Variants in ITGB3 observed in about 807,000 individuals in gnomAD.
The protein encoded by ITGB3 is integrin beta-3.
Under a neutral mutation model 85.8 loss-of-function variants are expected in ITGB3, and 48 were observed. That is an observed-to-expected ratio of 0.56 (90% CI 0.44 to 0.71). ITGB3 has a LOEUF of 0.71. ITGB3 is among the 30% of genes least tolerant of loss of function. The pLI is 0.00. For missense variants in ITGB3, 861 were observed against 1,019.1 expected (o/e 0.84, Z 2.11); for synonymous variants, 363 against 395.6 (o/e 0.92, Z 0.98).
intron 1 of ITGB3, among the ~76,000 whole-genome samples, chr17:47,270,434 C>A (rs539520290): frequency 6.6e-6 from 1 of 152,370 alleles, no homozygotes; most frequent in South Asian, 2.1e-4. Context: ...CTGTCCACAT[C>A]TGCCTGGGAA....
At chr17:47,273,860 A>G (rs182408527) in intron 1 of ITGB3, among the ~76,000 whole-genome samples, 1 of 152,344 alleles carries the variant, frequency 6.6e-6, no homozygotes, top group Admixed American at 6.5e-5. Flanking sequence ...TCCAAGATAT[A>G]TGCATTGAGA....
At chr17:47,259,149 G>A (rs2065000478) in intron 1 of ITGB3, among the ~76,000 whole-genome samples, 1 of 152,176 alleles carries the variant, frequency 6.6e-6, no homozygotes, top group African/African-American at 2.4e-5. Context: ...ATACTAGAGA[G>A]GATTCTGTAG....
rs867603396 is a variant in ITGB3 at position 47,292,012 on chromosome 17, T to C, written c.1261-127T>C. On this transcript the variant is annotated intron_variant, in intron 9 of 14. Transcript: ENST00000559488. ...TAGGGAAGGCTGAGGAACTCCAGAT[T>C]GCAAAAGCATAAGACACCCAATTTG... 3.5e-5 allele frequency: 32 copies of C among 905,754 alleles called. No individual in the cohort carries two copies. The Middle Eastern group carries it at 1.1e-3, about 31-fold the overall frequency. 56.1% of individuals were successfully genotyped at this position (905,754 alleles called of 1,614,324 possible).
intron 1 of ITGB3, among the ~76,000 whole-genome samples, chr17:47,265,426 C>T (rs762532779): frequency 6.6e-6 from 1 of 152,252 alleles, no homozygotes; most frequent in South Asian, 2.1e-4. Flanking sequence ...GGGTAGAATC[C>T]TTCCTCCTTC....
chr17:47,311,707 TTGTCCCAGA>T lies in ITGB3; in HGVS notation c.*1504_*1512del, dbSNP rs1314050303. 2 of 152,174 alleles carry T rather than the reference TTGTCCCAGA, an allele frequency of 1.3e-5. No individual in the cohort carries two copies. Among genetic ancestry groups the T allele is most frequent in the Non-Finnish European group, 2.9e-5 (2 of 68,022 alleles). 9.4% of individuals were successfully genotyped at this position (152,174 alleles called of 1,614,324 possible). On this transcript the variant is annotated 3_prime_UTR_variant, in exon 15 of 15. Coordinates refer to ENST00000559488, the MANE Select transcript of ITGB3 (RefSeq NM_000212.3). ...TTCCTGAGGAAGAGGGACTGTTCTT[TTGTCCCAGA>T]AAAGCAGTGGCTCCATTGGTGTTGA...
intron 1 of ITGB3, among the ~76,000 whole-genome samples, chr17:47,270,280 T>C (rs1876094888): frequency 6.6e-6 from 1 of 152,200 alleles, no homozygotes; most frequent in Admixed American, 6.5e-5. Flanking sequence ...TTCTGTCTCT[T>C]GTGAATATCA....
At chr17:47,295,309 G>A (rs1208635526) in intron 10 of ITGB3, among the ~76,000 whole-genome samples, 1 of 152,112 alleles carries the variant, frequency 6.6e-6, no homozygotes, top group Admixed American at 6.5e-5. Context: ...AGACAGGAGT[G>A]GAGCGAGCAT....
At chr17:47,290,089 T>C in intron 7 of ITGB3, 96 bp from the exon 8 acceptor site, 1 of 926,828 alleles carries the variant, frequency 1.1e-6, no homozygotes, top group Admixed American at 1.7e-5. Flanking sequence ...CTTCCTCCAA[T>C]CTTCATCTCA....
intron 1 of ITGB3, among the ~76,000 whole-genome samples, chr17:47,258,946 C>G (rs2064999889): frequency 1.3e-5 from 2 of 152,246 alleles, no homozygotes; most frequent in South Asian, 2.1e-4. Flanking sequence ...ATCAGTAACT[C>G]TAAGACATTG....
chr17:47,290,381 T>TA, intron 8 of ITGB3, 107 bp downstream of exon 8: 1 of 934,364 alleles, frequency 1.1e-6, no homozygotes, highest in Non-Finnish European at 1.8e-6. Context: ...CACACGGTCT[T>TA]ACTGCCTTCT....
At chr17:47,265,562 A>G (rs894486295) in intron 1 of ITGB3, among the ~76,000 whole-genome samples, 3 of 152,076 alleles carry the variant, frequency 2.0e-5, no homozygotes. Flanking sequence ...TCCTCTTCTC[A>G]TAAGGACATC....
At chr17:47,263,098 C>T (rs561706176) in intron 1 of ITGB3, among the ~76,000 whole-genome samples, 3 of 152,286 alleles carry the variant, frequency 2.0e-5, no homozygotes, top group East Asian at 1.9e-4. Flanking sequence ...TGAGGTCATA[C>T]GGCCAGAGGA....
chr17:47,292,471 ATG>A lies in ITGB3; in HGVS notation c.1597_1598del (p.Val533LeufsTer5). On this transcript the variant is annotated frameshift_variant, in exon 10 of 15. Transcript: ENST00000559488. LOFTEE classifies it high-confidence loss of function. ...SQRGECLCGQCVCHSSDFGKI... is the reference protein window; with the variant it reads ...SQRGECLCGQXVCHSSDFGKI... ...AGCGGGGCGAGTGCCTCTGTGGTCA[ATG>A]TGTCTGCCACAGCAGTGACTTTGGC... The A allele has an allele frequency of 6.2e-7, 1 of 1,610,420 alleles. No homozygotes were observed. Among genetic ancestry groups the A allele is most frequent in the Non-Finnish European group, 8.5e-7 (1 of 1,178,126 alleles).
At chr17:47,306,991 AT>A (rs1033529684) in intron 13 of ITGB3, among the ~76,000 whole-genome samples, 2 of 152,038 alleles carry the variant, frequency 1.3e-5, no homozygotes, top group Non-Finnish European at 2.9e-5. Flanking sequence ...TTTATTTTTA[AT>A]TTTTTAAAAA....
intron 1 of ITGB3, among the ~76,000 whole-genome samples, chr17:47,258,648 G>T (rs2064998764): frequency 6.6e-6 from 1 of 151,252 alleles, no homozygotes. Flanking sequence ...TCACCATATT[G>T]CCCAGGCTGG....
intron 1 of ITGB3, among the ~76,000 whole-genome samples, chr17:47,268,504 A>C (rs183266598): frequency 2.0e-5 from 3 of 152,320 alleles, no homozygotes; most frequent in African/African-American, 7.2e-5. Flanking sequence ...TGGCCAAAAC[A>C]AACAGGCTAC....
At chr17:47,256,762 G>A (rs896341663) in intron 1 of ITGB3, among the ~76,000 whole-genome samples, 54 of 152,068 alleles carry the variant, frequency 3.6e-4, no homozygotes, top group African/African-American at 1.3e-3. Context: ...AGGAAGTATG[G>A]GTTTTGTGTC....
At chr17:47,298,188 A>T (rs1403213247) in intron 10 of ITGB3, among the ~76,000 whole-genome samples, 17 of 152,216 alleles carry the variant, frequency 1.1e-4, no homozygotes, top group Admixed American at 1.1e-3. Context: ...CAGAGGCAGG[A>T]ACCAGGATGA....
chr17:47,258,538 A>G (rs2064998349), intron 1 of ITGB3, among the ~76,000 whole-genome samples: 1 of 152,152 alleles, frequency 6.6e-6, no homozygotes, highest in Non-Finnish European at 1.5e-5. Context: ...CATATAGTCA[A>G]GTAACCATTG....
Sources: gnomAD v4.1 joint callset for allele counts (sites outside exome capture counted in the v4.1 genomes callset) on GRCh38, gnomAD v4.1.1 for gene constraint, MANE v1.5 for transcripts, NCBI Gene and HGNC (gene_info 2026-07-23, HGNC 2026-07-21) for gene names.